PCDHA7: variants seen among roughly 807,000 people sequenced by gnomAD.
PCDHA7 encodes protocadherin alpha-7.
In PCDHA7, 37 loss-of-function variants were observed where a neutral mutation model predicts 57.2. The ratio of observed to expected loss-of-function variants is 0.65; its 90% confidence interval spans 0.50 to 0.85. The LOEUF (loss-of-function observed/expected upper bound fraction) is 0.85. Among genes scored for constraint, PCDHA7 ranks in the 40% least tolerant of loss-of-function variants. The probability of loss-of-function intolerance (pLI) is 0.00; values close to 1 mark genes in which losing one functional copy is unlikely to be tolerated. For missense variants in PCDHA7, 1,188 were observed against 1,241.8 expected, an observed-to-expected ratio of 0.96 and a Z score of 0.65; for synonymous variants, 553 against 558.8, an observed-to-expected ratio of 0.99 and a Z score of 0.15.
At chr5:140,952,921 A>G (rs1385762046) in intron 1 of PCDHA7, among the ~76,000 whole-genome samples, 4 of 152,138 alleles carry the variant, frequency 2.6e-5, no homozygotes, top group African/African-American at 4.8e-5. Context: ...ACATGGCATG[A>G]GCAGGAGCAG....
In PCDHA7 at chr5:140,858,119, C is replaced by G. The variant is rs1444406371; in HGVS notation, c.2355+21381C>G. The G allele has an allele frequency of 1.6e-5, 26 of 1,597,694 alleles. 1 individual carries two copies. The highest frequency in any genetic ancestry group is 2.1e-5 in the Non-Finnish European group (25 of 1,167,644). On this transcript the variant is annotated intron_variant, in intron 1 of 3. Transcript: ENST00000525929. The stretch of plus-strand genomic sequence containing the variant: ...AGTGGGCGTGGCGCCCGAGGTGGCC[C>G]TGGTGGATGTCAACGTGTACCTGAT...
chr5:140,840,891 T>G (rs921088657), intron 1 of PCDHA7, among the ~76,000 whole-genome samples: 2 of 152,014 alleles, frequency 1.3e-5, no homozygotes, highest in Non-Finnish European at 2.9e-5. Flanking sequence ...CTGATATCCA[T>G]GACATACAGG....
intron 1 of PCDHA7, chr5:140,842,977 G>C: frequency 6.3e-7 from 1 of 1,595,034 alleles, no homozygotes; most frequent in Non-Finnish European, 8.6e-7. Context: ...TGACGCTGCA[G>C]GTGTTCGTGC....
At chr5:140,961,313 G>A (rs2095603813) in intron 1 of PCDHA7, among the ~76,000 whole-genome samples, 1 of 152,118 alleles carries the variant, frequency 6.6e-6, no homozygotes, top group Admixed American at 6.5e-5. Flanking sequence ...TGATTTACCA[G>A]GCTCTGTTTC....
intron 1 of PCDHA7, among the ~76,000 whole-genome samples, chr5:140,959,030 G>A (rs1303090530): frequency 6.6e-6 from 1 of 151,776 alleles, no homozygotes; most frequent in African/African-American, 2.4e-5. Flanking sequence ...GCTTTATCAT[G>A]GGTATGTATG....
chr5:140,897,877 C>T (rs1554187641), intron 1 of PCDHA7, among the ~76,000 whole-genome samples: 1 of 152,154 alleles, frequency 6.6e-6, no homozygotes, highest in Non-Finnish European at 1.5e-5. Flanking sequence ...TAATGATTGC[C>T]ATTCTAACTG....
chr5:140,841,682 G>A (rs2150320729), intron 1 of PCDHA7: 3 of 1,613,962 alleles, frequency 1.9e-6, no homozygotes, highest in East Asian at 2.2e-5. Flanking sequence ...CCATGTGGAC[G>A]TGGAGGTGAA....
intron 1 of PCDHA7, chr5:140,862,563 C>T: frequency 2.1e-6 from 1 of 476,978 alleles, no homozygotes; most frequent in Non-Finnish European, 4.3e-6. Context: ...CAGTGAACCA[C>T]AATGCCCTGG....
rs1554149565 is a variant in PCDHA7, at chr5:140,857,132, G to T, written c.2355+20394G>T. Reference sequence around the variant, plus strand: ...TCTGTCTCTCCCAGTGAAAGAAGATGCTCAAGTGGGCACCGTCATTGCCCT... The same window carrying T: ...TCTGTCTCTCCCAGTGAAAGAAGATTCTCAAGTGGGCACCGTCATTGCCCT... On this transcript the variant is annotated intron_variant, in intron 1 of 3. Coordinates refer to ENST00000525929, the MANE Select transcript of PCDHA7 (RefSeq NM_018910.3). The T allele has an allele frequency of 3.1e-6, 5 of 1,598,146 alleles. 1 individual carries two copies. The South Asian group carries it at 3.3e-5, about 11-fold the overall frequency.
At chr5:140,960,279 T>A (rs1220391317) in intron 1 of PCDHA7, among the ~76,000 whole-genome samples, 1 of 152,216 alleles carries the variant, frequency 6.6e-6, no homozygotes, top group African/African-American at 2.4e-5. Flanking sequence ...GTCACCTTTT[T>A]GGGACCCAGT....
At chr5:140,892,158 T>C (rs1442080527) in intron 1 of PCDHA7, among the ~76,000 whole-genome samples, 1 of 152,242 alleles carries the variant, frequency 6.6e-6, no homozygotes, top group Non-Finnish European at 1.5e-5. Context: ...ATTTCTGATA[T>C]GTCCAGTAAC....
chr5:140,962,068 G>C (rs2095654419), intron 1 of PCDHA7, among the ~76,000 whole-genome samples: 1 of 151,882 alleles, frequency 6.6e-6, no homozygotes, highest in African/African-American at 2.4e-5. Context: ...GTATTTTTTA[G>C]TAGAGACGGG....
intron 1 of PCDHA7, chr5:140,927,139 C>T: frequency 6.2e-7 from 1 of 1,614,046 alleles, no homozygotes; most frequent in Non-Finnish European, 8.5e-7. Context: ...GCCGGCGGAC[C>T]GCGAACAGCT....
At chr5:140,965,314 T>C (rs563123453) in intron 1 of PCDHA7, among the ~76,000 whole-genome samples, 1 of 152,254 alleles carries the variant, frequency 6.6e-6, no homozygotes, top group East Asian at 1.9e-4. Flanking sequence ...TACCTTCTCT[T>C]TTACTGAAGT....
At chr5:140,981,533 C>A (rs1045779820) in intron 2 of PCDHA7, among the ~76,000 whole-genome samples, 9 of 152,154 alleles carry the variant, frequency 5.9e-5, no homozygotes, top group African/African-American at 2.2e-4. Context: ...GAGATCGTGC[C>A]ACTGTACTCC....
At chr5:140,854,589 AG>A (rs1479719574) in intron 1 of PCDHA7, 1 of 150,000 alleles carries the variant, frequency 6.7e-6, no homozygotes, top group African/African-American at 2.4e-5. Flanking sequence ...TAATAAAAAA[AG>A]TTTAAAGTAA....
At chr5:140,909,471 A>G (rs1398595420) in intron 1 of PCDHA7, among the ~76,000 whole-genome samples, 3 of 152,328 alleles carry the variant, frequency 2.0e-5, no homozygotes, top group African/African-American at 7.2e-5. Context: ...TCTTCTTCAC[A>G]GGCTAAATAG....
intron 1 of PCDHA7, chr5:140,969,402 T>C: frequency 6.3e-7 from 1 of 1,579,638 alleles, no homozygotes; most frequent in Non-Finnish European, 8.6e-7. Flanking sequence ...TCCTGTGATT[T>C]GGCTTTATTG....
intron 1 of PCDHA7, chr5:140,857,366 G>C: frequency 2.5e-6 from 4 of 1,598,350 alleles, no homozygotes; most frequent in Non-Finnish European, 3.4e-6. Flanking sequence ...CACGGCCAGC[G>C]TGTCTGTGGA....
Sources: allele counts gnomAD v4.1 joint callset (sites outside exome capture counted in the v4.1 genomes callset), GRCh38; gene constraint gnomAD v4.1.1; transcripts MANE v1.5; gene names NCBI Gene and HGNC (gene_info 2026-07-23, HGNC 2026-07-21).